ITPR3: variants seen among roughly 807,000 people sequenced by gnomAD.
ITPR3 encodes inositol 1,4,5-trisphosphate receptor type 3, also known as inositol 1,4,5-trisphosphate-gated calcium channel ITPR3.
In ITPR3, 173 loss-of-function variants were observed where a neutral mutation model predicts 293.2. That is an observed-to-expected ratio of 0.59 (90% CI 0.52 to 0.67). The LOEUF (loss-of-function observed/expected upper bound fraction) is 0.67, where lower values mean the gene tolerates loss of function less well. ITPR3 is among the 30% of genes least tolerant of loss of function. The pLI is 0.00. For synonymous variants in ITPR3, 1,295 were observed against 1,444.4 expected (o/e 0.90, Z 2.35); for missense variants, 2,796 against 3,592.1 (o/e 0.78, Z 5.66).
intron 1 of ITPR3, among the ~76,000 whole-genome samples, chr6:33,623,321 G>GGT (rs1554133561): frequency 8.5e-6 from 1 of 118,266 alleles, no homozygotes; most frequent in Non-Finnish European, 1.7e-5. Flanking sequence ...GTGCCTGTGA[G>GGT]TTTTGTTTTT....
At position 33,684,260 on chromosome 6, in the gene ITPR3, A is replaced by G; in HGVS notation, c.4937+92A>G. ...GGGGACTAGACAGGCTCACTGGGTC[A>G]GAGGGCCTGGGGGTGTTCCTGCCTG... On this transcript the variant is annotated intron_variant, in intron 36 of 57. Transcript: ENST00000605930. The surrounding 1 kb of genome is among the most constrained non-coding windows in gnomAD (Gnocchi z 4.2). 6.3e-7 allele frequency: 1 copy of G among 1,595,640 alleles called. No individual in the cohort carries two copies. Among genetic ancestry groups the G allele is most frequent in the Non-Finnish European group, 8.6e-7 (1 of 1,167,078 alleles).
At chr6:33,653,296 G>A (rs974117392) in intron 2 of ITPR3, among the ~76,000 whole-genome samples, 1 of 58,398 alleles carries the variant, frequency 1.7e-5, no homozygotes, top group African/African-American at 7.0e-5. Context: ...TTTTTTTTTT[G>A]TAAAGACAGG....
Position 33,666,017 on chromosome 6 carries a change from C to T in ITPR3, c.1551+41C>T. The T allele has an allele frequency of 6.5e-7, 1 of 1,549,296 alleles. No homozygotes were observed. The highest frequency in any genetic ancestry group is 1.2e-5 in the South Asian group (1 of 84,996). On this transcript the variant is annotated intron_variant, in intron 14 of 57. Transcript: ENST00000605930. The surrounding 1 kb of genome is among the most constrained non-coding windows in gnomAD (Gnocchi z 5.1). Reference sequence around the variant, plus strand: ...TGAGGGGACGCAGAGGGGCCGGGTGCCCGGGAGAGGGATGCCTTCAACTGC... The same window carrying T: ...TGAGGGGACGCAGAGGGGCCGGGTGTCCGGGAGAGGGATGCCTTCAACTGC...
intron 21 of ITPR3, 57 bp downstream of exon 21, chr6:33,671,363 A>G: frequency 7.5e-7 from 1 of 1,330,074 alleles, no homozygotes; most frequent in Admixed American, 2.0e-5. Flanking sequence ...CTCCTAGCAC[A>G]GGAAGTTCCC....
chr6:33,694,010 C>A (rs141920737), intron 56 of ITPR3, among the ~76,000 whole-genome samples: 1 of 152,212 alleles, frequency 6.6e-6, no homozygotes, highest in African/African-American at 2.4e-5. Context: ...CAAACCCATG[C>A]GCCCCGAAGA....
At position 33,684,079 on chromosome 6, in the gene ITPR3, G is replaced by A. The variant is rs2127304355; in HGVS notation, c.4848G>A (p.Val1616=). 1 of 1,611,694 alleles carries A rather than the reference G, an allele frequency of 6.2e-7. No homozygotes were observed. The highest frequency in any genetic ancestry group is 8.5e-7 in the Non-Finnish European group (1 of 1,179,978). Residue 1616 remains valine (V), a synonymous_variant, in exon 36 of 58, where the codon GTG becomes GTA. Transcript: ENST00000605930. This position sits in a 1 kb window ranked among gnomAD's most constrained non-coding sequence, Gnocchi z 4.2. ...CCCTGGTACAGGCTGAGCTGTCCGT[G>A]CTGGTGGATGTCCTGCACTGGCCTG... ...LKPLVQAELS[V]LVDVLHWPEL...
In ITPR3 at chr6:33,685,591, G is replaced by A. The variant is rs1197185136; in HGVS notation, c.5483-52G>A. ...GGGGATCCCAGGATAAGATGTGCAG[G>A]GGGGTGGCCAAGGGGGTGGGCAGCT... is the stretch of plus-strand genomic sequence containing the variant. On this transcript the variant is annotated intron_variant, in intron 40 of 57. Transcript: ENST00000605930. 5 of 1,593,492 alleles carry A rather than the reference G, an allele frequency of 3.1e-6. No individual in the cohort carries two copies. In the African/African-American group the frequency reaches 4.0e-5, roughly 13 times the overall value.
At chr6:33,686,357 G>C in intron 42 of ITPR3, 52 bp from the exon 43 acceptor site, 1 of 1,595,708 alleles carries the variant, frequency 6.3e-7, no homozygotes, top group Non-Finnish European at 8.6e-7. Context: ...CTCTGGAGCT[G>C]CCACTATTCT....
intron 1 of ITPR3, among the ~76,000 whole-genome samples, chr6:33,628,043 A>G (rs1004503627): frequency 3.9e-5 from 6 of 152,102 alleles, no homozygotes; most frequent in African/African-American, 1.4e-4. Flanking sequence ...CTGACCCCAT[A>G]TCCCCTCCCT....
chr6:33,687,579 C>T lies in ITPR3; in HGVS notation c.6264+15C>T, dbSNP rs376958468. 37 of 1,442,324 alleles carry T rather than the reference C, an allele frequency of 2.6e-5. No individual in the cohort carries two copies. The highest frequency in any genetic ancestry group is 1.1e-4 in the African/African-American group (8 of 72,976). The allele number at this position is 1,442,324 out of a possible 1,614,324, so 89.3% of individuals were successfully genotyped here. ...TCTCTTCCATGGTGGGTGCTGGCCC[C>T]GAGACTGGGGTGGGGGTGGGGCCTG... On this transcript the variant is annotated intron_variant, in intron 46 of 57. Transcript: ENST00000605930. This position sits in a 1 kb window ranked among gnomAD's most constrained non-coding sequence, Gnocchi z 5.3.
rs1034393126 is a variant in ITPR3, at chr6:33,633,769, G to A, written c.90-6715G>A. 1.4e-4 allele frequency among the ~76,000 whole-genome samples: 20 copies of A among 145,448 alleles called. No homozygotes were observed. Among genetic ancestry groups the A allele is most frequent in the Non-Finnish European group, 2.4e-4 (16 of 65,436 alleles). On this transcript the variant is annotated intron_variant, in intron 1 of 57. Transcript: ENST00000605930. This position sits in a 1 kb window ranked among gnomAD's most constrained non-coding sequence, Gnocchi z 5.2. ...CCGCGGGGGCGGGGGCGGGGCCGGG[G>A]CCGGGGCCGGACGCCCGGAGCTCGC...
rs765485958 is a variant in ITPR3, at chr6:33,684,656, C to T, written c.5105C>T (p.Ser1702Leu). 15 of 1,614,108 alleles carry T rather than the reference C, an allele frequency of 9.3e-6. No individual in the cohort carries two copies. The highest frequency in any genetic ancestry group is 1.7e-5 in the Admixed American group (1 of 60,026). Reference sequence around the variant, plus strand: ...TACCTCCAGAACCGGAAGTCCACCTCGCGGGGGGACCTTCCCGACCCCATA... The same window carrying T: ...TACCTCCAGAACCGGAAGTCCACCTTGCGGGGGGACCTTCCCGACCCCATA... ...QNYLQNRKST[S>L]RGDLPDPIGT... is the part of the protein sequence containing the mutation. Residue 1702 changes from serine to leucine, a missense_variant, in exon 38 of 58, where the codon TCG becomes TTG. Ser to Leu is a moderately radical substitution (Grantham distance 145). Around this residue, in one of 8 missense-constraint regions of ITPR3, gnomAD observed 704 missense variants for 797.5 expected, o/e 0.88. Transcript: ENST00000605930. This position sits in a 1 kb window ranked among gnomAD's most constrained non-coding sequence, Gnocchi z 4.2.
At chr6:33,678,586 G>C in intron 29 of ITPR3, 43 bp downstream of exon 29, 1 of 1,561,160 alleles carries the variant, frequency 6.4e-7, no homozygotes, top group East Asian at 2.4e-5. Context: ...GGCGGGGGAT[G>C]GGGGGTGGGG....
chr6:33,673,853 T>A (rs1278775137), intron 23 of ITPR3, 133 bp downstream of exon 23: 1 of 1,052,748 alleles, frequency 9.5e-7, no homozygotes, highest in African/African-American at 1.6e-5. Flanking sequence ...ACTGTCTCAT[T>A]TAATTGCCTC....
Position 33,655,737 on chromosome 6 carries a change from C to A in ITPR3, c.161-29C>A, listed in dbSNP as rs748171412. On this transcript the variant is annotated intron_variant, in intron 2 of 57. Transcript: ENST00000605930. This position sits in a 1 kb window ranked among gnomAD's most constrained non-coding sequence, Gnocchi z 4.9. Reference sequence around the variant, plus strand: ...GGCCCTGAGCCCCAGATGAATCATTCCCCTCACCCCCAACCTGCCCCACCA... The same window carrying A: ...GGCCCTGAGCCCCAGATGAATCATTACCCTCACCCCCAACCTGCCCCACCA... 4.3e-5 allele frequency: 70 copies of A among 1,613,402 alleles called. No individual in the cohort carries two copies. The highest frequency in any genetic ancestry group is 1.2e-4 in the Admixed American group (7 of 59,980).
chr6:33,658,879 T>G lies in ITPR3; in HGVS notation c.528+51T>G, dbSNP rs1764380446. On this transcript the variant is annotated intron_variant, in intron 5 of 57. Coordinates refer to ENST00000605930, the MANE Select transcript of ITPR3 (RefSeq NM_002224.4). This position sits in a 1 kb window ranked among gnomAD's most constrained non-coding sequence, Gnocchi z 6.1. Reference sequence around the variant, plus strand: ...GGCCTGGTGGAACTCCCGAGGGGCTTCTGTAGGGTCTTCGGTGTGGGGACT... The same window carrying G: ...GGCCTGGTGGAACTCCCGAGGGGCTGCTGTAGGGTCTTCGGTGTGGGGACT... 2 of 1,608,442 alleles carry G rather than the reference T, an allele frequency of 1.2e-6. No individual in the cohort carries two copies. The highest frequency in any genetic ancestry group is 1.7e-5 in the Admixed American group (1 of 59,714).
intron 51 of ITPR3, among the ~76,000 whole-genome samples, chr6:33,690,559 C>T (rs1301954330): frequency 6.6e-6 from 1 of 152,184 alleles, no homozygotes; most frequent in African/African-American, 2.4e-5. Flanking sequence ...ATAACAACAG[C>T]CCCTGCATTC....
Position 33,680,438 on chromosome 6 carries a change from C to G in ITPR3, c.4334C>G (p.Thr1445Ser). The change falls in exon 32 of 58, where the codon ACC (threonine) becomes AGC (serine). Residue 1445 changes from threonine to serine, a missense_variant. Transcript: ENST00000605930. Reference sequence around the variant, plus strand: ...ATCTGGACGCTCTTTGAGAACTTCACCCTGGACATGGCCCGGGTCTGTCCC... The same window carrying G: ...ATCTGGACGCTCTTTGAGAACTTCAGCCTGGACATGGCCCGGGTCTGTCCC... ...NHIWTLFENF[T>S]LDMARVCSKR... 6.2e-7 allele frequency: 1 copy of G among 1,613,570 alleles called. No homozygotes were observed. The highest frequency in any genetic ancestry group is 8.5e-7 in the Non-Finnish European group (1 of 1,180,014).
chr6:33,641,703 C>T (rs1468296667), intron 2 of ITPR3, among the ~76,000 whole-genome samples: 2 of 152,132 alleles, frequency 1.3e-5, no homozygotes, highest in African/African-American at 4.8e-5. Flanking sequence ...CCTGCAACCA[C>T]ACCAGCCTCC....
Sources: gnomAD v4.1 joint callset for allele counts (sites outside exome capture counted in the v4.1 genomes callset) on GRCh38, gnomAD v4.1.1 for gene constraint, gnomAD v4.1.1 regional missense constraint, Gnocchi (gnomAD v3.1) non-coding constraint, MANE v1.5 for transcripts, NCBI Gene and HGNC (gene_info 2026-07-23, HGNC 2026-07-21) for gene names.